Variants in ZSCAN32 observed in about 807,000 individuals in gnomAD.
ZSCAN32 encodes the protein zinc finger and SCAN domain containing 32, also known as zinc finger and SCAN domain-containing protein 32.
A neutral mutation model predicts 47.4 loss-of-function variants in ZSCAN32; 52 were observed. The observed-to-expected ratio is 1.10, with a 90% CI of 0.88 to 1.38. ZSCAN32 has a LOEUF of 1.38. Ranked by LOEUF, ZSCAN32 falls within the 40% of genes most tolerant of loss-of-function variation. The pLI is 0.00. For missense variants in ZSCAN32, 959 were observed against 846.0 expected (o/e 1.13, Z -1.66); for synonymous variants, 346 against 305.7 (o/e 1.13, Z -1.38).
chr16:3,388,932 A>AT (rs1404984787), intron 5 of ZSCAN32, among the ~76,000 whole-genome samples: 1 of 152,210 alleles, frequency 6.6e-6, no homozygotes, highest in Non-Finnish European at 1.5e-5. Flanking sequence ...GGTGGTAATT[A>AT]TACAACACTC....
chr16:3,389,839 T>C (rs2032458172), intron 5 of ZSCAN32, among the ~76,000 whole-genome samples, 171 bp downstream of exon 5: 1 of 152,176 alleles, frequency 6.6e-6, no homozygotes, highest in Non-Finnish European at 1.5e-5. Flanking sequence ...CCCCTTTCTT[T>C]TGATCTCTGC....
At chr16:3,384,250 A>G in intron 6 of ZSCAN32, 1 of 638,212 alleles carries the variant, frequency 1.6e-6, no homozygotes, top group Admixed American at 3.0e-5. Flanking sequence ...ACATGAACTT[A>G]GTTGAAAGAG....
intron 5 of ZSCAN32, among the ~76,000 whole-genome samples, chr16:3,389,607 TTTTA>T (rs1289434701): frequency 6.6e-6 from 1 of 152,034 alleles, no homozygotes; most frequent in African/African-American, 2.4e-5. Flanking sequence ...GGTTGGGTGG[TTTTA>T]TTTGTTAATC....
In ZSCAN32 at chr16:3,393,208, T is replaced by TA. The variant is rs2032963532; in HGVS notation, c.532+440_532+441insT. On this transcript the variant is annotated intron_variant, in intron 3 of 6. Transcript: ENST00000396852. ...TCTATATTTATATATATATTTATAT[T>TA]TATATATATATATATATATAAATTT... is the stretch of plus-strand genomic sequence containing the variant. Among the ~76,000 whole-genome samples, 4 of 11,790 alleles carry TA rather than the reference T, an allele frequency of 3.4e-4. 1 individual carries two copies. Among genetic ancestry groups the TA allele is most frequent in the African/African-American group, 2.2e-3 (4 of 1,800 alleles). The allele number at this position is 11,790 out of a possible 152,430, so 7.7% of individuals were successfully genotyped here.
In ZSCAN32 at chr16:3,383,564, G is replaced by C; in HGVS notation, c.1382C>G (p.Ser461Ter). 2 of 1,614,036 alleles carry C rather than the reference G, an allele frequency of 1.2e-6. No homozygotes were observed. The highest frequency in any genetic ancestry group is 1.7e-6 in the Non-Finnish European group (2 of 1,180,028). The change falls in exon 7 of 7, where the codon TCA (serine) becomes TGA (stop). Residue 461 changes from serine to a stop codon, truncating the protein, a stop_gained. Coordinates refer to ENST00000396852, the MANE Select transcript of ZSCAN32 (RefSeq NM_001284527.2). LOFTEE classifies it low-confidence loss of function (END_TRUNC). ...LQKGLESEPT[S>*]RRQCRNSPGE... ...TGGAGAATTTCTACATTGCCTTCTT[G>C]ATGTTGGCTCACTCTCCAAGCCTTT... is the stretch of plus-strand genomic sequence containing the variant.
At position 3,397,459 on chromosome 16, in the gene ZSCAN32, G is replaced by A. The variant is rs776881658; in HGVS notation, c.99C>T (p.Ser33=). 5.0e-5 allele frequency: 77 copies of A among 1,550,664 alleles called. No individual in the cohort carries two copies. The East Asian group carries it at 5.6e-4, about 11-fold the overall frequency. ...GCCTGAAGCGCTGACGGGAGGCCTC[G>A]GAGTCAGGGCTGTTACCCTGGAGGG... ...KSALQGNSPD[S]EASRQRFRQF... The change falls in exon 2 of 7, where the codon TCC becomes TCT. Residue 33 remains serine (S), a synonymous_variant. Transcript: ENST00000396852.
At chr16:3,388,746 T>C (rs2032310079) in intron 5 of ZSCAN32, among the ~76,000 whole-genome samples, 1 of 139,342 alleles carries the variant, frequency 7.2e-6, no homozygotes, top group South Asian at 2.2e-4. Context: ...AAGCCTAATG[T>C]TGTAGCAGTT....
At position 3,383,136 on chromosome 16, in the gene ZSCAN32, G is replaced by C. The variant is rs985631577; in HGVS notation, c.1810C>G (p.Pro604Ala). The stretch of plus-strand genomic sequence containing the variant: ...TTTCCACAGACAATGCACTGGTAAG[G>C]CTTTTCCCCGGTATGGGTCCTCTGG... ...VHQRTHTGEK[P>A]YQCIVCGKRF... is the part of the protein sequence containing the mutation. The change falls in exon 7 of 7, where the codon CCT (proline) becomes GCT (alanine). Residue 604 changes from proline to alanine, a missense_variant. Pro to Ala is a conservative substitution (Grantham distance 27). Transcript: ENST00000396852. The C allele has an allele frequency of 1.5e-5, 25 of 1,614,060 alleles. 1 individual carries two copies. The highest frequency in any genetic ancestry group is 1.9e-5 in the Non-Finnish European group (22 of 1,180,044).
intron 5 of ZSCAN32, among the ~76,000 whole-genome samples, chr16:3,387,895 A>G (rs2032206192): frequency 6.6e-6 from 1 of 152,222 alleles, no homozygotes; most frequent in Admixed American, 6.5e-5. Context: ...ATGTTTACGT[A>G]GAGTTAAGTG....
intron 5 of ZSCAN32, 60 bp from the exon 6 acceptor site, chr16:3,385,001 A>G: frequency 1.3e-6 from 2 of 1,544,414 alleles, no homozygotes; most frequent in Non-Finnish European, 1.7e-6. Context: ...GACTGTACAT[A>G]CTGCAGTGTG....
chr16:3,386,446 T>C (rs1401919480), intron 5 of ZSCAN32, among the ~76,000 whole-genome samples: 7 of 152,162 alleles, frequency 4.6e-5, no homozygotes, highest in African/African-American at 7.2e-5. Context: ...ACTAGGTGTA[T>C]ACCCAAAGGA....
chr16:3,396,510 C>G (rs927962039), intron 2 of ZSCAN32, among the ~76,000 whole-genome samples: 2 of 152,178 alleles, frequency 1.3e-5, no homozygotes, highest in Non-Finnish European at 2.9e-5. Context: ...GGCTGACCAA[C>G]GTTCCTCTGA....
chr16:3,387,894 T>G (rs1490334376), intron 5 of ZSCAN32, among the ~76,000 whole-genome samples: 2 of 152,212 alleles, frequency 1.3e-5, no homozygotes, highest in Admixed American at 6.5e-5. Flanking sequence ...AATGTTTACG[T>G]AGAGTTAAGT....
At chr16:3,397,980 C>G (rs2033535618) in intron 1 of ZSCAN32, among the ~76,000 whole-genome samples, 1 of 152,196 alleles carries the variant, frequency 6.6e-6, no homozygotes, top group Non-Finnish European at 1.5e-5. Flanking sequence ...TGCTTTTAAC[C>G]TCCAAACTGC....
chr16:3,390,500 C>T lies in ZSCAN32; in HGVS notation c.550G>A (p.Ala184Thr), dbSNP rs117689911. 1 of 1,548,938 alleles carries T rather than the reference C, an allele frequency of 6.5e-7. No individual in the cohort carries two copies. Among genetic ancestry groups the T allele is most frequent in the African/African-American group, 1.4e-5 (1 of 73,064 alleles). The change falls in exon 4 of 7, where the codon GCT becomes ACT. Residue 184 changes from alanine to threonine, a missense_variant. Coordinates refer to ENST00000396852, the MANE Select transcript of ZSCAN32 (RefSeq NM_001284527.2). The stretch of plus-strand genomic sequence containing the variant: ...GTGTTTTGAGGCAGGTTCCTGGGAG[C>T]CTGAGGAGCAAGCCAGGCTGGGGGA... The part of the protein sequence containing the change: ...EQSEAWLAPQ[A>T]PRNLPQNTGL...
intron 4 of ZSCAN32, 117 bp downstream of exon 4, chr16:3,390,306 A>T: frequency 7.4e-7 from 1 of 1,357,032 alleles, no homozygotes; most frequent in Non-Finnish European, 9.9e-7. Context: ...GACAGAATCA[A>T]AATAACCCGA....
In ZSCAN32 at chr16:3,393,391, A is replaced by AT. The variant is rs1305747707; in HGVS notation, c.532+257dup. On this transcript the variant is annotated intron_variant, in intron 3 of 6. Transcript: ENST00000396852. Reference sequence around the variant, plus strand: ...TAGCTGGGATTACCATGCCCAGCTAATTTTTTGTATTTTTAGTAGAAACGG... The same window carrying AT: ...TAGCTGGGATTACCATGCCCAGCTAATTTTTTTGTATTTTTAGTAGAAACGG... Among the ~76,000 whole-genome samples, 3 of 143,032 alleles carry AT rather than the reference A, an allele frequency of 2.1e-5. 1 individual carries two copies. Among genetic ancestry groups the AT allele is most frequent in the South Asian group, 4.5e-4 (2 of 4,472 alleles). 93.8% of individuals were successfully genotyped at this position (143,032 alleles called of 152,430 possible). A position where few individuals can be genotyped will look rare whatever the true frequency, so the allele number is the denominator to read the frequency against.
rs555983167 is a variant in ZSCAN32 at position 3,398,058 on chromosome 16, A to C, written c.-187-314T>G. Reference sequence around the variant, plus strand: ...AATTTAGTTTATAGTTTGAATGATAATAACCCTTCCCAAAACTAAACTGCC... The same window carrying C: ...AATTTAGTTTATAGTTTGAATGATACTAACCCTTCCCAAAACTAAACTGCC... On this transcript the variant is annotated intron_variant, in intron 1 of 6. Transcript: ENST00000396852. Among the ~76,000 whole-genome samples, 6 of 152,348 alleles carry C rather than the reference A, an allele frequency of 3.9e-5. No individual in the cohort carries two copies. The South Asian group carries it at 1.2e-3, about 32-fold the overall frequency.
At chr16:3,393,353 T>G (rs2033044760) in intron 3 of ZSCAN32, among the ~76,000 whole-genome samples, 1 of 135,258 alleles carries the variant, frequency 7.4e-6, no homozygotes, top group African/African-American at 2.9e-5. Context: ...TTCTCCTGAC[T>G]CAGCCTCCTG....
Sources: gnomAD v4.1 joint callset for allele counts (sites outside exome capture counted in the v4.1 genomes callset) on GRCh38, gnomAD v4.1.1 for gene constraint, MANE v1.5 for transcripts, NCBI Gene and HGNC (gene_info 2026-07-23, HGNC 2026-07-21) for gene names.